The following RFX3 variants were observed in gnomAD, a reference collection of about 807,000 sequenced individuals.
RFX3 encodes the protein transcription factor RFX3.
In RFX3, 14 loss-of-function variants were observed where a neutral mutation model predicts 98.6. The observed-to-expected ratio is 0.14, with a 90% CI of 0.09 to 0.22. The LOEUF is 0.22. RFX3 is among the 10% of genes least tolerant of loss of function. The probability of loss-of-function intolerance (pLI) is 1.00; values close to 1 mark genes in which losing one functional copy is unlikely to be tolerated. For missense variants in RFX3, 639 were observed against 926.9 expected (o/e 0.69, Z 4.03); for synonymous variants, 383 against 328.4 (o/e 1.17, Z -1.80).
At chr9:3,373,878 A>G (rs896874438) in intron 2 of RFX3, among the ~76,000 whole-genome samples, 4 of 152,192 alleles carry the variant, frequency 2.6e-5, no homozygotes, top group Non-Finnish European at 5.9e-5. Context: ...GGAGATCAAG[A>G]CCATCTTGGC....
intron 6 of RFX3, among the ~76,000 whole-genome samples, chr9:3,291,455 CCA>C (rs1827345137): frequency 6.6e-6 from 1 of 151,870 alleles, no homozygotes; most frequent in African/African-American, 2.4e-5. Context: ...TGAGTTTCCC[CCA>C]GATTAGAACC....
chr9:3,264,007 T>C (rs1003870764), intron 12 of RFX3, among the ~76,000 whole-genome samples: 1 of 151,556 alleles, frequency 6.6e-6, no homozygotes, highest in Non-Finnish European at 1.5e-5. Flanking sequence ...CACCCCTTCA[T>C]TCCTAGGGAT....
chr9:3,421,655 T>G (rs971443938), intron 1 of RFX3, among the ~76,000 whole-genome samples: 3 of 152,218 alleles, frequency 2.0e-5, no homozygotes, highest in African/African-American at 7.2e-5. Context: ...GTAGTATTAC[T>G]CTGTTTACAG....
chr9:3,495,074 A>T (rs1427751028), intron 1 of RFX3, among the ~76,000 whole-genome samples: 1 of 151,892 alleles, frequency 6.6e-6, no homozygotes, highest in East Asian at 1.9e-4. Context: ...ACACTATTTC[A>T]TATGTGTATG....
At chr9:3,253,578 C>T (rs908745245) in intron 14 of RFX3, among the ~76,000 whole-genome samples, 1 of 151,846 alleles carries the variant, frequency 6.6e-6, no homozygotes, top group African/African-American at 2.4e-5. Flanking sequence ...CAGGGAACCA[C>T]AATTAGTCAC....
intron 3 of RFX3, among the ~76,000 whole-genome samples, chr9:3,341,574 G>T (rs1015034346): frequency 6.6e-6 from 1 of 152,090 alleles, no homozygotes; most frequent in South Asian, 2.1e-4. Context: ...GGTACTTAAA[G>T]CCACCAAGTA....
chr9:3,424,371 T>G (rs1344194193), intron 1 of RFX3, among the ~76,000 whole-genome samples: 2 of 121,228 alleles, frequency 1.6e-5, no homozygotes, highest in Admixed American at 1.6e-4. Context: ...TTTTTTTTTT[T>G]TTTTTTTTGA....
At chr9:3,452,683 G>C (rs777884899) in intron 1 of RFX3, among the ~76,000 whole-genome samples, 6 of 152,164 alleles carry the variant, frequency 3.9e-5, no homozygotes, top group Non-Finnish European at 8.8e-5. Flanking sequence ...GTGGGAAAAA[G>C]ACATACTTTG....
intron 1 of RFX3, among the ~76,000 whole-genome samples, chr9:3,488,067 C>T (rs1464936950): frequency 2.6e-5 from 4 of 152,050 alleles, no homozygotes; most frequent in African/African-American, 4.8e-5. Flanking sequence ...TTAAAATAAA[C>T]GTGCTTCTTT....
At chr9:3,509,809 G>C (rs943555216) in intron 1 of RFX3, among the ~76,000 whole-genome samples, 2 of 150,428 alleles carry the variant, frequency 1.3e-5, no homozygotes. Flanking sequence ...TTTAAAAAAA[G>C]TTTTGTATTA....
At position 3,438,733 on chromosome 9, in the gene RFX3, G is replaced by A. The variant is rs559948351; in HGVS notation, c.-8-43137C>T. 2.6e-5 allele frequency among the ~76,000 whole-genome samples: 4 copies of A among 152,062 alleles called. No individual in the cohort carries two copies. The East Asian group carries it at 7.7e-4, about 29-fold the overall frequency. ...TACCAGTCAAAAGAAATCTAGAGTG[G>A]CTATACTGTATCAGAAAGAAAGTTG... On this transcript the variant is annotated intron_variant, in intron 1 of 16. Transcript: ENST00000617270.
intron 1 of RFX3, among the ~76,000 whole-genome samples, chr9:3,505,234 A>T (rs1816849036): frequency 1.2e-5 from 1 of 83,404 alleles, no homozygotes; most frequent in East Asian, 6.6e-4. Context: ...ATATATGAAT[A>T]TATATTTATA....
intron 13 of RFX3, among the ~76,000 whole-genome samples, chr9:3,262,690 C>G (rs1450474308): frequency 6.6e-6 from 1 of 152,144 alleles, no homozygotes; most frequent in Admixed American, 6.6e-5. Context: ...ACTCTACTAA[C>G]TATTCAGCAA....
At chr9:3,267,758 T>C (rs974009108) in intron 11 of RFX3, among the ~76,000 whole-genome samples, 3 of 151,860 alleles carry the variant, frequency 2.0e-5, no homozygotes, top group Non-Finnish European at 2.9e-5. Context: ...TTCTGTTGTA[T>C]TATGTGCTAG....
At position 3,520,037 on chromosome 9, in the gene RFX3, G is replaced by C. The variant is rs560669842; in HGVS notation, c.-9+5710C>G. Among the ~76,000 whole-genome samples, 5 of 152,276 alleles carry C rather than the reference G, an allele frequency of 3.3e-5. No individual in the cohort carries two copies. In the South Asian group the frequency reaches 8.3e-4, roughly 25 times the overall value. ...TGGCAGGAGGACCACGTGAGCCCAG[G>C]AGATTGAGGCTGCAGTGAGCTATGA... On this transcript the variant is annotated intron_variant, in intron 1 of 16. Transcript: ENST00000617270.
intron 2 of RFX3, among the ~76,000 whole-genome samples, chr9:3,378,549 TTC>T (rs1203593520): frequency 2.0e-5 from 3 of 150,850 alleles, no homozygotes; most frequent in African/African-American, 4.9e-5. Context: ...CATATTTTTT[TTC>T]TTTCTTTTTT....
At chr9:3,240,342 G>C (rs113779545) in intron 15 of RFX3, among the ~76,000 whole-genome samples, 111 of 152,268 alleles carry the variant, frequency 7.3e-4, no homozygotes, top group African/African-American at 2.5e-3. Flanking sequence ...AAAACTATTG[G>C]GGAAATAGAA....
intron 2 of RFX3, among the ~76,000 whole-genome samples, chr9:3,376,533 G>A (rs554974222): frequency 1.3e-5 from 2 of 152,280 alleles, no homozygotes; most frequent in East Asian, 3.9e-4. Flanking sequence ...ATTATGATGA[G>A]TGCAAGAAGC....
chr9:3,447,283 T>C lies in RFX3; in HGVS notation c.-8-51687A>G, dbSNP rs568413431. Among the ~76,000 whole-genome samples the C allele has an allele frequency of 2.6e-5, 4 of 152,268 alleles. No individual in the cohort carries two copies. In the East Asian group the frequency reaches 7.7e-4, roughly 29 times the overall value. ...GTACTCAGTCAATAACAGTGGACTT[T>C]ACCTCAGAAGGACAAAAGAAGCAAT... On this transcript the variant is annotated intron_variant, in intron 1 of 16. Coordinates refer to ENST00000617270, the MANE Select transcript of RFX3 (RefSeq NM_001282116.2).
Sources: gnomAD v4.1 joint callset for allele counts (sites outside exome capture counted in the v4.1 genomes callset) on GRCh38, gnomAD v4.1.1 for gene constraint, MANE v1.5 for transcripts, NCBI Gene and HGNC (gene_info 2026-07-23, HGNC 2026-07-21) for gene names.